Variants in LTBP1 observed in about 807,000 individuals in gnomAD.
LTBP1 encodes latent transforming growth factor beta binding protein 1.
Under a neutral mutation model 207.6 loss-of-function variants are expected in LTBP1, and 129 were observed. That is an observed-to-expected ratio of 0.62 (90% CI 0.54 to 0.72). LTBP1 has a LOEUF of 0.72. Ranked by LOEUF, LTBP1 falls within the 30% of genes least tolerant of loss-of-function variation. The probability of loss-of-function intolerance (pLI) is 0.00; values close to 1 mark genes in which losing one functional copy is unlikely to be tolerated. For missense variants in LTBP1, 2,281 were observed against 2,217.2 expected, an observed-to-expected ratio of 1.03 and a Z score of -0.58; for synonymous variants, 963 against 833.7, an observed-to-expected ratio of 1.16 and a Z score of -2.67.
At chr2:33,118,523 C>T (rs911726117) in intron 4 of LTBP1, among the ~76,000 whole-genome samples, 1 of 152,156 alleles carries the variant, frequency 6.6e-6, no homozygotes, top group Admixed American at 6.5e-5. Context: ...GATGTTAGTA[C>T]TAAAGATTCC....
At chr2:33,222,250 C>A in intron 9 of LTBP1, 99 bp downstream of exon 9, 1 of 785,500 alleles carries the variant, frequency 1.3e-6, no homozygotes, top group South Asian at 1.4e-5. Flanking sequence ...CCCAGCCTGT[C>A]ACAGTGAACC....
In LTBP1 at chr2:33,062,785, A is replaced by G. The variant is rs556439975; in HGVS notation, c.863+41579A>G. On this transcript the variant is annotated intron_variant, in intron 3 of 33. Transcript: ENST00000404816. ...TATGCTATGATTTTCGTATCTGATAACCAAGATAGCTACTAAGTGACGAAT... is the reference window on the plus strand; with the variant it reads ...TATGCTATGATTTTCGTATCTGATAGCCAAGATAGCTACTAAGTGACGAAT... Among the ~76,000 whole-genome samples the G allele has an allele frequency of 3.9e-5, 6 of 152,334 alleles. No homozygotes were observed. The South Asian group carries it at 1.2e-3, about 32-fold the overall frequency.
At chr2:33,334,397 T>C (rs942780662) in intron 24 of LTBP1, among the ~76,000 whole-genome samples, 1 of 152,192 alleles carries the variant, frequency 6.6e-6, no homozygotes, top group African/African-American at 2.4e-5. Flanking sequence ...AATTATTCTG[T>C]CATTGTGGGA....
At chr2:33,178,700 CT>C (rs2086316029) in intron 5 of LTBP1, among the ~76,000 whole-genome samples, 3 of 152,052 alleles carry the variant, frequency 2.0e-5, no homozygotes, top group African/African-American at 4.8e-5. Flanking sequence ...GTCCTATTTG[CT>C]TGAATGAACT....
chr2:33,075,961 C>G (rs1272166856), intron 3 of LTBP1, among the ~76,000 whole-genome samples: 2 of 152,164 alleles, frequency 1.3e-5, no homozygotes, highest in Non-Finnish European at 2.9e-5. Context: ...TATTTGCATG[C>G]AAGAGTAGAC....
chr2:33,345,434 A>T (rs2094689100), intron 25 of LTBP1, among the ~76,000 whole-genome samples: 1 of 152,254 alleles, frequency 6.6e-6, no homozygotes, highest in Non-Finnish European at 1.5e-5. Flanking sequence ...GAATTATTGC[A>T]GTCTGATGGG....
chr2:33,272,443 G>C (rs1022529043), intron 15 of LTBP1, among the ~76,000 whole-genome samples: 48 of 152,130 alleles, frequency 3.2e-4, no homozygotes, highest in Non-Finnish European at 4.0e-4. Flanking sequence ...TTTACTATAC[G>C]ATGACAGATA....
At chr2:33,188,185 C>T (rs2087411198) in intron 6 of LTBP1, among the ~76,000 whole-genome samples, 1 of 152,102 alleles carries the variant, frequency 6.6e-6, no homozygotes, top group Non-Finnish European at 1.5e-5. Context: ...CTTTGGGAGG[C>T]CAAGGCAGGC....
intron 5 of LTBP1, among the ~76,000 whole-genome samples, chr2:33,170,715 G>A (rs1221822822): frequency 1.3e-5 from 2 of 151,448 alleles, no homozygotes; most frequent in Non-Finnish European, 2.9e-5. Context: ...CCTCAAGTGG[G>A]TCCCTGACCC....
intron 5 of LTBP1, among the ~76,000 whole-genome samples, chr2:33,182,699 T>TACACACAC (rs377663333): frequency 1.6e-4 from 13 of 78,838 alleles, no homozygotes; most frequent in Admixed American, 2.6e-4. Flanking sequence ...TATATATATA[T>TACACACAC]ACACACACAC....
intron 5 of LTBP1, among the ~76,000 whole-genome samples, chr2:33,149,228 CAAAAAAAAAA>C (rs58303103): frequency 6.3e-4 from 52 of 82,820 alleles, no homozygotes; most frequent in African/African-American, 1.9e-3. Context: ...CACAAAAAAA[CAAAAAAAAAA>C]AAAAAAAAAA....
intron 5 of LTBP1, among the ~76,000 whole-genome samples, chr2:33,177,541 G>A (rs1461643361): frequency 2.6e-5 from 4 of 152,122 alleles, no homozygotes; most frequent in Non-Finnish European, 5.9e-5. Context: ...GGTGGTGGGT[G>A]CCTGTAATCT....
At chr2:33,142,520 G>A (rs975792631) in intron 5 of LTBP1, among the ~76,000 whole-genome samples, 1 of 152,080 alleles carries the variant, frequency 6.6e-6, no homozygotes, top group African/African-American at 2.4e-5. Context: ...GAAGGGGTGC[G>A]TGGAAAGGTG....
At chr2:33,367,464 T>C (rs185011667) in intron 31 of LTBP1, among the ~76,000 whole-genome samples, 1 of 152,324 alleles carries the variant, frequency 6.6e-6, no homozygotes, top group Non-Finnish European at 1.5e-5. Flanking sequence ...TAGCGAACAC[T>C]GTGCCCAATA....
At chr2:33,054,170 AT>A (rs1404019749) in intron 3 of LTBP1, among the ~76,000 whole-genome samples, 1 of 152,150 alleles carries the variant, frequency 6.6e-6, no homozygotes, top group Non-Finnish European at 1.5e-5. Context: ...ATATAGAGGA[AT>A]TACTGCCTCA....
In LTBP1 at chr2:33,307,435, A is replaced by C. The variant is rs186698341; in HGVS notation, c.3482-1999A>C. On this transcript the variant is annotated intron_variant, in intron 22 of 33. Coordinates refer to ENST00000404816, the MANE Select transcript of LTBP1 (RefSeq NM_206943.4). ...TAAACAAATTATGGTGCATTCATCC[A>C]ATGGAATTCTACCCAGCAATAAAGC... Among the ~76,000 whole-genome samples, 485 of 152,360 alleles carry C rather than the reference A, an allele frequency of 3.2e-3. 2 individuals are homozygous for C. Among genetic ancestry groups the C allele is most frequent in the African/African-American group, 0.011 (461 of 41,584 alleles).
At chr2:32,990,344 A>G (rs939065773) in intron 2 of LTBP1, among the ~76,000 whole-genome samples, 2 of 152,212 alleles carry the variant, frequency 1.3e-5, no homozygotes, top group African/African-American at 4.8e-5. Flanking sequence ...CAACATAGTG[A>G]TGACTTTATC....
rs933859374 is a variant in LTBP1, at chr2:33,263,409, T to A, written c.2617+17T>A. On this transcript the variant is annotated intron_variant, in intron 15 of 33. Transcript: ENST00000404816. ...AAGTGACAGGTTGGTGCAGTATTTT[T>A]ACATTATATATCACATGGAGGAGAC... is the stretch of plus-strand genomic sequence containing the variant. 5 of 1,573,148 alleles carry A rather than the reference T, an allele frequency of 3.2e-6. No homozygotes were observed. Among genetic ancestry groups the A allele is most frequent in the South Asian group, 2.2e-5 (2 of 90,334 alleles).
intron 5 of LTBP1, among the ~76,000 whole-genome samples, chr2:33,172,072 A>G (rs1182107846): frequency 6.6e-6 from 1 of 152,240 alleles, no homozygotes; most frequent in African/African-American, 2.4e-5. Context: ...TGTAAAGACC[A>G]TCGAGGCTAG....
Sources: allele counts gnomAD v4.1 joint callset (sites outside exome capture counted in the v4.1 genomes callset), GRCh38; gene constraint gnomAD v4.1.1; transcripts MANE v1.5; gene names NCBI Gene and HGNC (gene_info 2026-07-23, HGNC 2026-07-21).